Variants in RFX4 observed in about 807,000 individuals in gnomAD.
RFX4 encodes the protein regulatory factor X4, also known as transcription factor RFX4.
RFX4 carries 10 observed loss-of-function variants against 95.0 expected under a neutral mutation model. The ratio of observed to expected loss-of-function variants is 0.11; its 90% CI spans 0.06 to 0.18. The LOEUF is 0.18. Among genes scored for constraint, RFX4 ranks in the 10% least tolerant of loss-of-function variants. RFX4 has a pLI of 1.00. For synonymous variants in RFX4, 321 were observed against 340.7 expected (o/e 0.94, Z 0.64); for missense variants, 640 against 922.0 (o/e 0.69, Z 3.96).
At chr12:106,683,470 A>G in intron 5 of RFX4, 1 of 85,918 alleles carries the variant, frequency 1.2e-5, no homozygotes, top group African/African-American at 5.5e-5. Context: ...TATTCTGAAA[A>G]AAAAAAAAAA....
intron 3 of RFX4, among the ~76,000 whole-genome samples, chr12:106,640,135 A>G (rs2040590890): frequency 6.6e-6 from 1 of 152,212 alleles, no homozygotes; most frequent in African/African-American, 2.4e-5. Context: ...CTTTATATAT[A>G]TGCCTCATTT....
intron 3 of RFX4, among the ~76,000 whole-genome samples, chr12:106,650,331 A>G (rs1237745948): frequency 6.6e-6 from 1 of 152,208 alleles, no homozygotes; most frequent in Non-Finnish European, 1.5e-5. Flanking sequence ...CTTGTCATAC[A>G]CAAAATTGCA....
At chr12:106,608,062 G>A (rs934390453) in intron 1 of RFX4, among the ~76,000 whole-genome samples, 2 of 152,176 alleles carry the variant, frequency 1.3e-5, no homozygotes, top group Non-Finnish European at 2.9e-5. Context: ...ACTTGGTGGC[G>A]GGTGCCTTCC....
At chr12:106,728,424 T>C (rs1417928885) in intron 13 of RFX4, among the ~76,000 whole-genome samples, 1 of 152,036 alleles carries the variant, frequency 6.6e-6, no homozygotes, top group Non-Finnish European at 1.5e-5. Context: ...CTAACACATA[T>C]CCATTGAGTC....
At chr12:106,630,562 A>C (rs2040398774) in intron 2 of RFX4, among the ~76,000 whole-genome samples, 1 of 152,182 alleles carries the variant, frequency 6.6e-6, no homozygotes, top group South Asian at 2.1e-4. Context: ...GCTGGAAACG[A>C]GGCAAATGAG....
intron 15 of RFX4, among the ~76,000 whole-genome samples, chr12:106,743,648 T>C (rs944247389): frequency 2.6e-5 from 4 of 152,214 alleles, no homozygotes; most frequent in African/African-American, 9.7e-5. Context: ...TGGCACACCC[T>C]CTGTTGGGGA....
At chr12:106,741,559 T>C (rs1346897646) in intron 15 of RFX4, among the ~76,000 whole-genome samples, 2 of 152,198 alleles carry the variant, frequency 1.3e-5, no homozygotes, top group Admixed American at 6.5e-5. Context: ...TAAATTGTAT[T>C]TAGTTTTAAT....
intron 10 of RFX4, 57 bp from the exon 11 acceptor site, chr12:106,715,343 A>G: frequency 6.4e-7 from 1 of 1,570,348 alleles, no homozygotes; most frequent in Non-Finnish European, 8.7e-7. Flanking sequence ...AAAAGGAAAT[A>G]CAGTGAAAGG....
At chr12:106,707,528 G>A (rs1343112918) in intron 8 of RFX4, among the ~76,000 whole-genome samples, 1 of 152,122 alleles carries the variant, frequency 6.6e-6, no homozygotes, top group African/African-American at 2.4e-5. Context: ...GCCAAGAGAA[G>A]TGAGTGTTTC....
At chr12:106,748,005 G>A (rs1479098718) in intron 16 of RFX4, among the ~76,000 whole-genome samples, 4 of 151,940 alleles carry the variant, frequency 2.6e-5, no homozygotes, top group African/African-American at 9.7e-5. Flanking sequence ...AGAACAGGAA[G>A]GGTGCTACCC....
Position 106,686,844 on chromosome 12 carries a change from T to C in RFX4, c.378-40T>C. The C allele has an allele frequency of 7.2e-6, 11 of 1,536,518 alleles. No individual in the cohort carries two copies. The South Asian group carries it at 1.2e-4, about 16-fold the overall frequency. ...CAGTGCATGTGGGTCTCTCTCTTTT[T>C]TTTTTTTTCTCTCTCTCCCTCCCTC... On this transcript the variant is annotated intron_variant, in intron 5 of 17. Coordinates refer to ENST00000392842, the MANE Select transcript of RFX4 (RefSeq NM_213594.3).
chr12:106,638,971 G>A (rs972740045), intron 2 of RFX4, among the ~76,000 whole-genome samples: 1 of 152,194 alleles, frequency 6.6e-6, no homozygotes, highest in African/African-American at 2.4e-5. Flanking sequence ...GTCCATAGCA[G>A]TGACTGAGGT....
chr12:106,718,281 T>C (rs2042330697), intron 11 of RFX4, among the ~76,000 whole-genome samples: 1 of 152,168 alleles, frequency 6.6e-6, no homozygotes, highest in African/African-American at 2.4e-5. Flanking sequence ...TCCATTTCTG[T>C]AAAATGGGAC....
chr12:106,646,564 G>C (rs11113069), intron 3 of RFX4, among the ~76,000 whole-genome samples: 1 of 151,834 alleles, frequency 6.6e-6, no homozygotes, highest in East Asian at 1.9e-4. Flanking sequence ...CAAACCCAGC[G>C]TAGGAATTGG....
At chr12:106,734,595 CA>C (rs34486302) in intron 15 of RFX4, among the ~76,000 whole-genome samples, 71 of 138,696 alleles carry the variant, frequency 5.1e-4, no homozygotes, top group South Asian at 4.6e-4. Flanking sequence ...GACTCCATCT[CA>C]AAAAAAAAAA....
intron 7 of RFX4, 147 bp downstream of exon 7, chr12:106,689,511 T>G (rs1382759728): frequency 4.4e-6 from 3 of 679,458 alleles, no homozygotes; most frequent in Non-Finnish European, 7.9e-6. Context: ...CCTCATGAGA[T>G]CCCATGAAGC....
chr12:106,737,185 T>C (rs1401514298), intron 15 of RFX4, among the ~76,000 whole-genome samples: 1 of 115,862 alleles, frequency 8.6e-6, no homozygotes, highest in Non-Finnish European at 1.8e-5. Flanking sequence ...TTTTTTTTTT[T>C]TTTTTTTTTT....
At chr12:106,731,798 C>T (rs113776046) in intron 13 of RFX4, among the ~76,000 whole-genome samples, 14 of 151,738 alleles carry the variant, frequency 9.2e-5, no homozygotes, top group African/African-American at 2.4e-4. Flanking sequence ...GAGCGGTGCT[C>T]ACATGAGGAT....
At chr12:106,711,010 A>C (rs534065749) in intron 9 of RFX4, among the ~76,000 whole-genome samples, 5 of 152,340 alleles carry the variant, frequency 3.3e-5, no homozygotes, top group Non-Finnish European at 1.5e-5. Context: ...TCCTAGCCCC[A>C]CACACCGCTG....
Sources: allele counts gnomAD v4.1 joint callset (sites outside exome capture counted in the v4.1 genomes callset), GRCh38; gene constraint gnomAD v4.1.1; transcripts MANE v1.5; gene names NCBI Gene and HGNC (gene_info 2026-07-23, HGNC 2026-07-21).